The following CEP152 variants were observed in gnomAD, a reference collection of about 807,000 sequenced individuals.
CEP152 encodes the protein centrosomal protein of 152 kDa.
Under a neutral mutation model 188.9 loss-of-function variants are expected in CEP152, and 132 were observed. The ratio of observed to expected loss-of-function variants is 0.70; its 90% CI spans 0.61 to 0.81. The LOEUF (loss-of-function observed/expected upper bound fraction) is 0.81. CEP152 is among the 30% of genes least tolerant of loss of function. The pLI, the probability that CEP152 is intolerant of heterozygous loss-of-function variation, is 0.00. For synonymous variants in CEP152, 649 were observed against 666.6 expected, an observed-to-expected ratio of 0.97 and a Z score of 0.41; for missense variants, 1,914 against 1,969.8, an observed-to-expected ratio of 0.97 and a Z score of 0.54.
rs1467228127 is a variant in CEP152, at chr15:48,744,311, C to A, written c.3764G>T (p.Cys1255Phe). 4 of 1,614,018 alleles carry A rather than the reference C, an allele frequency of 2.5e-6. No individual in the cohort carries two copies. Among genetic ancestry groups the A allele is most frequent in the Non-Finnish European group, 3.4e-6 (4 of 1,179,966 alleles). The change falls in exon 24 of 27, where the codon TGC becomes TTC. Residue 1255 changes from cysteine (C) to phenylalanine (F), a missense_variant. By Grantham distance (205) the Cys-to-Phe change is radical. Transcript: ENST00000380950. ...SLSAGAIENA[C>F]LPCSGGALEE... ...CAAGGCTCCCCCACTGCATGGCAGG[C>A]AAGCATTTTCAATGGCCCCTGCTGA...
intron 2 of CEP152, among the ~76,000 whole-genome samples, chr15:48,801,774 A>T (rs1897681335): frequency 6.6e-6 from 1 of 152,220 alleles, no homozygotes; most frequent in African/African-American, 2.4e-5. Flanking sequence ...TGAGAGGCTT[A>T]TAACAAGCAT....
At chr15:48,753,569 A>G (rs1221232236) in intron 20 of CEP152, among the ~76,000 whole-genome samples, 1 of 152,196 alleles carries the variant, frequency 6.6e-6, no homozygotes, top group East Asian at 1.9e-4. Flanking sequence ...TCAAGAAGCT[A>G]TGGGTTTGAG....
intron 2 of CEP152, among the ~76,000 whole-genome samples, chr15:48,798,304 G>C (rs1214924518): frequency 1.3e-5 from 2 of 151,000 alleles, no homozygotes; most frequent in African/African-American, 2.4e-5. Context: ...AATACACATA[G>C]AGCAGAATTC....
At chr15:48,732,202 T>A (rs947850738) in intron 2 of CEP152, among the ~76,000 whole-genome samples, 1 of 152,236 alleles carries the variant, frequency 6.6e-6, no homozygotes, top group East Asian at 1.9e-4. Flanking sequence ...CAAAGGATTA[T>A]GAATCAATCT....
At chr15:48,808,864 G>A (rs1898159467) in intron 1 of CEP152, among the ~76,000 whole-genome samples, 1 of 152,000 alleles carries the variant, frequency 6.6e-6, no homozygotes, top group African/African-American at 2.4e-5. Context: ...ATTGACTCAA[G>A]GCTGACCACT....
At chr15:48,736,514 C>G (rs1329151250), downstream of CEP152, among the ~76,000 whole-genome samples, 4 of 152,180 alleles carry the variant, frequency 2.6e-5, no homozygotes, top group Non-Finnish European at 5.9e-5. Flanking sequence ...CATGACCTTT[C>G]AAACCAATGT....
chr15:48,759,899 T>C (rs568898424), intron 19 of CEP152, among the ~76,000 whole-genome samples: 4 of 152,210 alleles, frequency 2.6e-5, no homozygotes, highest in African/African-American at 7.2e-5. Context: ...TAGGGCAAGA[T>C]AGAATGGGAG....
At chr15:48,753,567 C>T (rs7166943) in intron 20 of CEP152, among the ~76,000 whole-genome samples, 8,049 of 152,150 alleles carry the variant, frequency 0.053, 538 homozygotes, top group African/African-American at 0.16. Context: ...AATCAAGAAG[C>T]TATGGGTTTG....
intron 19 of CEP152, among the ~76,000 whole-genome samples, chr15:48,756,960 C>T (rs1894324947): frequency 6.6e-6 from 1 of 152,082 alleles, no homozygotes; most frequent in Admixed American, 6.6e-5. Flanking sequence ...ATAGCACACA[C>T]CTGCATAATT....
chr15:48,781,989 T>C (rs1158981585), intron 11 of CEP152, 150 bp downstream of exon 11: 4 of 707,826 alleles, frequency 5.7e-6, no homozygotes, highest in Non-Finnish European at 1.0e-5. Flanking sequence ...TTGCCAACTG[T>C]GTGAAGGAGA....
chr15:48,799,009 A>G (rs1295675444), intron 2 of CEP152, among the ~76,000 whole-genome samples: 1 of 152,184 alleles, frequency 6.6e-6, no homozygotes, highest in African/African-American at 2.4e-5. Context: ...AATACTTTTT[A>G]GGGAAACTGT....
chr15:48,778,496 C>G (rs573528802), intron 12 of CEP152, among the ~76,000 whole-genome samples: 43 of 152,258 alleles, frequency 2.8e-4, no homozygotes, highest in African/African-American at 9.4e-4. Context: ...AACGTTTCTT[C>G]GCTTATCTTG....
At chr15:48,787,386 G>C (rs543379400) in intron 9 of CEP152, among the ~76,000 whole-genome samples, 2 of 151,950 alleles carry the variant, frequency 1.3e-5, no homozygotes, top group South Asian at 2.1e-4. Flanking sequence ...GCCCAGGCTA[G>C]TCTTGAACTC....
At chr15:48,729,836 G>A (rs1892363168) in intron 2 of CEP152, 1 of 151,934 alleles carries the variant, frequency 6.6e-6, no homozygotes, top group African/African-American at 2.4e-5. Flanking sequence ...GTATATAGGT[G>A]TTTATTTTCT....
chr15:48,794,158 A>G (rs1440585962), intron 6 of CEP152, among the ~76,000 whole-genome samples: 1 of 152,188 alleles, frequency 6.6e-6, no homozygotes, highest in Non-Finnish European at 1.5e-5. Context: ...ATACCCATAT[A>G]ACAAACCTCC....
rs1001570505 is a variant in CEP152 at position 48,769,004 on chromosome 15, A to G, written c.1860T>C (p.Asp620=). 14 of 1,589,380 alleles carry G rather than the reference A, an allele frequency of 8.8e-6. No individual in the cohort carries two copies. Among genetic ancestry groups the G allele is most frequent in the Non-Finnish European group, 1.2e-5 (14 of 1,159,400 alleles). The change falls in exon 14 of 27, where the codon GAT becomes GAC. Residue 620 remains aspartate (D), a synonymous_variant. Coordinates refer to ENST00000380950, the MANE Select transcript of CEP152 (RefSeq NM_001194998.2). ...ESSTSDVVRD[D]ILLLKNEIQV... ...GAATTTCATTTTTAAGCAGCAGAAT[A>G]TCATCTCTGACAACATCAGAAGTAG... is the stretch of plus-strand genomic sequence containing the variant.
chr15:48,759,089 A>T (rs1157532881), intron 19 of CEP152, among the ~76,000 whole-genome samples: 3 of 152,124 alleles, frequency 2.0e-5, no homozygotes, highest in Admixed American at 6.6e-5. Context: ...AAAAATATAG[A>T]TTATAATTTA....
At chr15:48,745,121 T>C (rs1893308645) in intron 22 of CEP152, 129 bp from the exon 23 acceptor site, 2 of 613,988 alleles carry the variant, frequency 3.3e-6, no homozygotes, top group Non-Finnish European at 5.4e-6. Flanking sequence ...GTAACGTTCA[T>C]CCCCTTAGAA....
intron 19 of CEP152, among the ~76,000 whole-genome samples, chr15:48,757,913 G>A (rs1894395680): frequency 6.6e-6 from 1 of 152,196 alleles, no homozygotes; most frequent in African/African-American, 2.4e-5. Flanking sequence ...AGAGGTGATG[G>A]ATTCCACAGA....
Sources: allele counts gnomAD v4.1 joint callset (sites outside exome capture counted in the v4.1 genomes callset), GRCh38; gene constraint gnomAD v4.1.1; transcripts MANE v1.5; gene names NCBI Gene and HGNC (gene_info 2026-07-23, HGNC 2026-07-21).